Variants in USP34 observed in about 807,000 individuals in gnomAD.
The protein encoded by USP34 is ubiquitin specific peptidase 34.
USP34 carries 70 observed loss-of-function variants against 460.3 expected under a neutral mutation model. The ratio of observed to expected loss-of-function variants is 0.15; its 90% CI spans 0.13 to 0.19. The LOEUF (loss-of-function observed/expected upper bound fraction) is 0.19, where lower values mean the gene tolerates loss of function less well. Among genes scored for constraint, USP34 ranks in the 10% least tolerant of loss-of-function variants. The pLI, the probability that USP34 is intolerant of heterozygous loss-of-function variation, is 1.00. For synonymous variants in USP34, 1,647 were observed against 1,405.3 expected (o/e 1.17, Z -3.85); for missense variants, 3,985 against 4,236.2 (o/e 0.94, Z 1.65).
chr2:61,470,637 C>T lies in USP34; in HGVS notation c.43+13G>A, dbSNP rs199905168. 3.2e-6 allele frequency: 5 copies of T among 1,585,320 alleles called. No individual in the cohort carries two copies. The East Asian group carries it at 9.4e-5, about 30-fold the overall frequency. On this transcript the variant is annotated intron_variant, in intron 1 of 79. Coordinates refer to ENST00000398571, the MANE Select transcript of USP34 (RefSeq NM_014709.4). ...ACCGTGCACCCCGACAGGCCGCTAC[C>T]GCGGCTACTTACTTTCATTTAACAC...
chr2:61,415,070 T>C (rs944163996), intron 2 of USP34, among the ~76,000 whole-genome samples: 1 of 152,162 alleles, frequency 6.6e-6, no homozygotes, highest in African/African-American at 2.4e-5. Context: ...GGTCCTTTTG[T>C]TACTCAGGGC....
At chr2:61,290,336 G>T (rs2123113) in intron 33 of USP34, among the ~76,000 whole-genome samples, 5 of 151,888 alleles carry the variant, frequency 3.3e-5, no homozygotes, top group African/African-American at 1.2e-4. Flanking sequence ...TTCATCACTT[G>T]GTATTAATCC....
chr2:61,195,490 G>C (rs1018906475), intron 75 of USP34, among the ~76,000 whole-genome samples: 2 of 151,368 alleles, frequency 1.3e-5, no homozygotes, highest in African/African-American at 4.9e-5. Flanking sequence ...TGACCAACAT[G>C]GTGAAACCCC....
intron 38 of USP34, 22 bp downstream of exon 38, chr2:61,281,068 T>C (rs746016869): frequency 8.1e-6 from 13 of 1,609,020 alleles, no homozygotes; most frequent in Non-Finnish European, 9.3e-6. Flanking sequence ...AGAAACTGCT[T>C]CTAAACACAG....
At chr2:61,451,494 G>C (rs754048355) in intron 1 of USP34, among the ~76,000 whole-genome samples, 1 of 151,800 alleles carries the variant, frequency 6.6e-6, no homozygotes, top group Non-Finnish European at 1.5e-5. Context: ...CGACCAGCCT[G>C]ACCAAGAGAG....
intron 10 of USP34, among the ~76,000 whole-genome samples, chr2:61,364,584 G>A (rs180966794): frequency 1.6e-4 from 25 of 152,030 alleles, no homozygotes; most frequent in Non-Finnish European, 2.9e-4. Context: ...CATATTTTAC[G>A]ACACTATAAA....
chr2:61,255,064 G>A (rs1425168107), intron 48 of USP34, among the ~76,000 whole-genome samples: 1 of 152,050 alleles, frequency 6.6e-6, no homozygotes, highest in East Asian at 1.9e-4. Context: ...AAACTCCTGG[G>A]CTCAAGTGCA....
intron 41 of USP34, among the ~76,000 whole-genome samples, chr2:61,266,799 C>T (rs1689060718): frequency 6.6e-6 from 1 of 152,196 alleles, no homozygotes; most frequent in Non-Finnish European, 1.5e-5. Context: ...GACTGAGACT[C>T]TTGATACCCA....
intron 75 of USP34, among the ~76,000 whole-genome samples, chr2:61,197,360 G>GT (rs1332960534): frequency 6.6e-6 from 1 of 152,116 alleles, no homozygotes; most frequent in Non-Finnish European, 1.5e-5. Context: ...GAGAGCCATC[G>GT]TTTTATCCTA....
At chr2:61,380,873 C>G (rs564107263) in intron 6 of USP34, among the ~76,000 whole-genome samples, 10 of 152,206 alleles carry the variant, frequency 6.6e-5, no homozygotes, top group South Asian at 2.1e-4. Context: ...ATGAAGCCAA[C>G]TACAAGACAT....
At chr2:61,385,555 C>A (rs573663813) in intron 5 of USP34, among the ~76,000 whole-genome samples, 3 of 150,520 alleles carry the variant, frequency 2.0e-5, no homozygotes, top group Non-Finnish European at 4.4e-5. Context: ...GCCTGTAGTC[C>A]CAGCTACTTG....
intron 67 of USP34, among the ~76,000 whole-genome samples, chr2:61,216,741 A>T (rs1213671900): frequency 6.6e-6 from 1 of 152,076 alleles, no homozygotes; most frequent in Non-Finnish European, 1.5e-5. Context: ...CAACATGGTG[A>T]AACCCATCTC....
chr2:61,277,083 T>C (rs894803708), intron 41 of USP34, among the ~76,000 whole-genome samples: 5 of 152,298 alleles, frequency 3.3e-5, no homozygotes, highest in East Asian at 3.9e-4. Context: ...TATTCAGAGA[T>C]AGATTTCATG....
At chr2:61,276,502 A>G (rs1689376692) in intron 41 of USP34, among the ~76,000 whole-genome samples, 1 of 152,206 alleles carries the variant, frequency 6.6e-6, no homozygotes, top group South Asian at 2.1e-4. Context: ...TATTTACTGT[A>G]TCCATGAAAA....
chr2:61,268,919 T>A (rs1208273939), intron 41 of USP34, among the ~76,000 whole-genome samples: 1 of 152,162 alleles, frequency 6.6e-6, no homozygotes, highest in African/African-American at 2.4e-5. Context: ...ATATTTATGC[T>A]CCTTCAATTG....
intron 41 of USP34, among the ~76,000 whole-genome samples, chr2:61,274,490 T>G (rs932640605): frequency 4.0e-5 from 6 of 151,234 alleles, no homozygotes; most frequent in African/African-American, 1.5e-4. Context: ...GATAGTTTCC[T>G]TAATATAAAA....
intron 58 of USP34, 94 bp downstream of exon 58, chr2:61,232,358 T>C: frequency 9.7e-7 from 1 of 1,025,932 alleles, no homozygotes; most frequent in Non-Finnish European, 1.5e-6. Flanking sequence ...ATTATCAATA[T>C]TAGGTTAAGA....
chr2:61,271,527 T>A (rs58204468), intron 41 of USP34, among the ~76,000 whole-genome samples: 23,406 of 151,668 alleles, frequency 0.15, 2,225 homozygotes, highest in South Asian at 0.37. Context: ...TTAGACACTA[T>A]GCAAGGCAAT....
At chr2:61,425,235 T>TA (rs1400171469) in intron 1 of USP34, among the ~76,000 whole-genome samples, 1 of 151,912 alleles carries the variant, frequency 6.6e-6, no homozygotes, top group Non-Finnish European at 1.5e-5. Flanking sequence ...AACACCTTCA[T>TA]AAAAAACAAA....
Sources: allele counts gnomAD v4.1 joint callset (sites outside exome capture counted in the v4.1 genomes callset), GRCh38; gene constraint gnomAD v4.1.1; transcripts MANE v1.5; gene names NCBI Gene and HGNC (gene_info 2026-07-23, HGNC 2026-07-21).